Variants in IL7R observed in about 807,000 individuals in gnomAD.
The protein encoded by IL7R is interleukin 7 receptor.
A neutral mutation model predicts 47.0 loss-of-function variants in IL7R; 38 were observed. The ratio of observed to expected loss-of-function variants is 0.81; its 90% CI spans 0.62 to 1.06. The LOEUF (loss-of-function observed/expected upper bound fraction) is 1.06. Among genes scored for constraint, IL7R ranks in the 50% least tolerant of loss-of-function variants. The pLI is 0.00. For missense variants in IL7R, 633 were observed against 534.8 expected (o/e 1.18, Z -1.81); for synonymous variants, 221 against 199.8 (o/e 1.11, Z -0.89).
chr5:35,875,365 T>A (rs1760177911), intron 6 of IL7R, 147 bp from the exon 7 acceptor site: 1 of 709,442 alleles, frequency 1.4e-6, no homozygotes, highest in African/African-American at 1.7e-5. Context: ...AGAAAGCCAG[T>A]CTCTTGACCA....
intron 7 of IL7R, 74 bp downstream of exon 7, chr5:35,875,661 G>C: frequency 8.6e-7 from 1 of 1,157,316 alleles, no homozygotes; most frequent in East Asian, 2.4e-5. Flanking sequence ...TCCAGGACAA[G>C]GAACAGTTGA....
chr5:35,875,414 A>T (rs1760180530), intron 6 of IL7R, 98 bp from the exon 7 acceptor site: 2 of 885,274 alleles, frequency 2.3e-6, no homozygotes, highest in South Asian at 2.8e-5. Context: ...AAGACTAGAA[A>T]TCTGTTCTTC....
intron 3 of IL7R, among the ~76,000 whole-genome samples, chr5:35,868,935 C>A (rs1494556): frequency 0.71 from 108,495 of 152,028 alleles, 39,758 homozygotes; most frequent in African/African-American, 0.87. Context: ...GACATGCCTC[C>A]TCCGAACGGC....
chr5:35,873,627 C>T lies in IL7R; in HGVS notation c.685C>T (p.Pro229Ser), dbSNP rs774177784. Residue 229 changes from proline to serine, a missense_variant, in exon 5 of 8, where the codon CCA becomes TCA. Pro to Ser is a moderately conservative substitution (Grantham distance 74). Transcript: ENST00000303115. ...GAGTCCAAGTTATTACTTCAGAACT[C>T]CAGAGATCAATAATAGCTCAGGTAA... ...EWSPSYYFRT[P>S]EINNSSGEMD... The T allele has an allele frequency of 4.5e-5, 73 of 1,613,832 alleles. No homozygotes were observed. Among genetic ancestry groups the T allele is most frequent in the Non-Finnish European group, 1.7e-6 (2 of 1,179,878 alleles).
intron 3 of IL7R, among the ~76,000 whole-genome samples, chr5:35,868,753 T>C (rs929677804): frequency 2.6e-5 from 4 of 152,110 alleles, no homozygotes; most frequent in Admixed American, 6.5e-5. Context: ...TCCTGGAGCA[T>C]CAGGGGAGAG....
chr5:35,864,880 C>T (rs1478275195), intron 2 of IL7R, among the ~76,000 whole-genome samples: 1 of 151,858 alleles, frequency 6.6e-6, no homozygotes, highest in Non-Finnish European at 1.5e-5. Context: ...GCTAAGATAA[C>T]TTTGCCTACT....
chr5:35,869,743 G>C (rs1760024310), intron 3 of IL7R, among the ~76,000 whole-genome samples: 1 of 152,136 alleles, frequency 6.6e-6, no homozygotes, highest in African/African-American at 2.4e-5. Context: ...CAAGAGAGAG[G>C]GGCAAAGGCA....
At chr5:35,860,316 G>C (rs962383737) in intron 1 of IL7R, among the ~76,000 whole-genome samples, 2 of 152,108 alleles carry the variant, frequency 1.3e-5, no homozygotes, top group African/African-American at 4.8e-5. Flanking sequence ...GCAAGGGAAA[G>C]TGACCTCTTA....
In IL7R at chr5:35,864,407, T is replaced by C. The variant is rs771556822; in HGVS notation, c.222-2899T>C. Among the ~76,000 whole-genome samples, 40 of 152,150 alleles carry C rather than the reference T, an allele frequency of 2.6e-4. 1 individual carries two copies. The highest frequency in any genetic ancestry group is 4.7e-4 in the Non-Finnish European group (32 of 68,032). Reference sequence around the variant, plus strand: ...GTATAAAACCTCAGAATGGAATTGCTGTGTCATAAGGTAAGCATGTATCTA... The same window carrying C: ...GTATAAAACCTCAGAATGGAATTGCCGTGTCATAAGGTAAGCATGTATCTA... On this transcript the variant is annotated intron_variant, in intron 2 of 7. Transcript: ENST00000303115.
At chr5:35,864,231 A>T (rs535878326) in intron 2 of IL7R, among the ~76,000 whole-genome samples, 20 of 152,262 alleles carry the variant, frequency 1.3e-4, no homozygotes, top group Non-Finnish European at 2.6e-4. Context: ...CTAAGTAGTA[A>T]TTCCACTGTA....
intron 1 of IL7R, among the ~76,000 whole-genome samples, chr5:35,857,627 T>G (rs1346061034): frequency 1.3e-5 from 2 of 152,266 alleles, no homozygotes; most frequent in African/African-American, 2.4e-5. Context: ...TTTAAGTAAA[T>G]AACTGACTAG....
chr5:35,856,953 ACTCT>A lies in IL7R; in HGVS notation c.-16_-13del, dbSNP rs760977768. 1.5e-5 allele frequency: 19 copies of A among 1,295,944 alleles called. No individual in the cohort carries two copies. Among genetic ancestry groups the A allele is most frequent in the South Asian group, 5.9e-5 (5 of 84,740 alleles). The allele number at this position is 1,295,944 out of a possible 1,614,324, so 80.3% of individuals were successfully genotyped here. ...TTCATACACACTGGCTCACACATCTACTCTCTCTCTCTATCTCTCTCAGAATGAC... is the reference window on the plus strand; with the variant it reads ...TTCATACACACTGGCTCACACATCTACTCTCTCTATCTCTCTCAGAATGAC... On this transcript the variant is annotated 5_prime_UTR_variant, in exon 1 of 8. Coordinates refer to ENST00000303115, the MANE Select transcript of IL7R (RefSeq NM_002185.5).
intron 6 of IL7R, among the ~76,000 whole-genome samples, chr5:35,875,225 C>T (rs969794537): frequency 1.1e-4 from 16 of 152,180 alleles, no homozygotes; most frequent in Admixed American, 1.0e-3. Context: ...TCCTTGCAAG[C>T]CTTGGTGTTC....
chr5:35,874,007 C>T (rs1453148093), intron 5 of IL7R, among the ~76,000 whole-genome samples: 1 of 152,166 alleles, frequency 6.6e-6, no homozygotes, highest in Non-Finnish European at 1.5e-5. Flanking sequence ...TTATTGGTGT[C>T]AGGTATGCAG....
chr5:35,867,235 A>G (rs747344264), intron 2 of IL7R, 71 bp from the exon 3 acceptor site: 5 of 1,340,464 alleles, frequency 3.7e-6, no homozygotes, highest in Non-Finnish European at 5.4e-6. Flanking sequence ...ATCAATGTGC[A>G]TATGATACTA....
chr5:35,864,100 C>T (rs1561420148), intron 2 of IL7R, among the ~76,000 whole-genome samples: 1 of 152,046 alleles, frequency 6.6e-6, no homozygotes, highest in African/African-American at 2.4e-5. Flanking sequence ...TGGTTTTTGC[C>T]AGTTTCTGAT....
chr5:35,869,196 C>A (rs1339172064), intron 3 of IL7R, among the ~76,000 whole-genome samples: 1 of 152,180 alleles, frequency 6.6e-6, no homozygotes, highest in Non-Finnish European at 1.5e-5. Context: ...CTGCCACCAC[C>A]TGCACCCTCA....
chr5:35,865,742 T>A (rs573765440), intron 2 of IL7R, among the ~76,000 whole-genome samples: 2 of 151,958 alleles, frequency 1.3e-5, no homozygotes, highest in South Asian at 2.1e-4. Context: ...TACAATGAAC[T>A]CAAACAAATT....
At chr5:35,872,291 C>T (rs576678679) in intron 4 of IL7R, among the ~76,000 whole-genome samples, 73 of 152,254 alleles carry the variant, frequency 4.8e-4, no homozygotes, top group Middle Eastern at 3.4e-3. Flanking sequence ...CTCCGCCTCC[C>T]GGGTTCAAGC....
Sources: gnomAD v4.1 joint callset for allele counts (sites outside exome capture counted in the v4.1 genomes callset) on GRCh38, gnomAD v4.1.1 for gene constraint, MANE v1.5 for transcripts, NCBI Gene and HGNC (gene_info 2026-07-23, HGNC 2026-07-21) for gene names.